Variants in CACNA2D3 observed in about 807,000 individuals in gnomAD.
CACNA2D3 encodes the protein voltage-dependent calcium channel subunit alpha-2/delta-3.
Under a neutral mutation model 160.6 loss-of-function variants are expected in CACNA2D3, and 60 were observed. That is an observed-to-expected ratio of 0.37 (90% CI 0.30 to 0.46). The LOEUF is 0.46. CACNA2D3 is among the 20% of genes least tolerant of loss of function. The probability of loss-of-function intolerance (pLI) is 1.00; values close to 1 mark genes in which losing one functional copy is unlikely to be tolerated. For missense variants in CACNA2D3, 1,205 were observed against 1,365.0 expected (o/e 0.88, Z 1.85); for synonymous variants, 558 against 492.9 (o/e 1.13, Z -1.75).
intron 10 of CACNA2D3, chr3:54,638,911 A>T (rs1431919251): frequency 2.0e-5 from 3 of 152,008 alleles, no homozygotes; most frequent in African/African-American, 7.3e-5. Context: ...GTTCTTAAGA[A>T]TACATGCTAA....
At position 54,787,713 on chromosome 3, in the gene CACNA2D3, G is replaced by C. The variant is rs373456650; in HGVS notation, c.1380+23362G>C. On this transcript the variant is annotated intron_variant, in intron 13 of 37. Transcript: ENST00000474759. ...GTGGCACATTGTGGGAAGGTAAATA[G>C]GGAAGACAAATGGATGATAAGGATT... Among the ~76,000 whole-genome samples, 24 of 152,280 alleles carry C rather than the reference G, an allele frequency of 1.6e-4. 1 individual carries two copies. Among genetic ancestry groups the C allele is most frequent in the African/African-American group, 5.8e-4 (24 of 41,574 alleles).
chr3:55,060,082 G>T (rs1704469404), intron 35 of CACNA2D3, among the ~76,000 whole-genome samples: 1 of 152,214 alleles, frequency 6.6e-6, no homozygotes, highest in East Asian at 1.9e-4. Context: ...AGGCTTGAAG[G>T]TGGGGCCTTT....
chr3:54,203,527 A>G (rs1357187295), intron 2 of CACNA2D3, among the ~76,000 whole-genome samples: 1 of 152,152 alleles, frequency 6.6e-6, no homozygotes, highest in Non-Finnish European at 1.5e-5. Context: ...GCCTTGGTAT[A>G]CTGGAAGAAT....
At chr3:54,654,383 G>A (rs1482454633) in intron 11 of CACNA2D3, among the ~76,000 whole-genome samples, 5 of 152,156 alleles carry the variant, frequency 3.3e-5, no homozygotes, top group African/African-American at 1.2e-4. Flanking sequence ...TATTCCCAGT[G>A]AATTGGACAG....
At chr3:54,171,872 T>C (rs1366782176) in intron 2 of CACNA2D3, among the ~76,000 whole-genome samples, 1 of 152,206 alleles carries the variant, frequency 6.6e-6, no homozygotes, top group Non-Finnish European at 1.5e-5. Context: ...CTATCTTCTG[T>C]CCTTCCTGTC....
At chr3:54,897,154 T>C (rs60840662) in intron 26 of CACNA2D3, among the ~76,000 whole-genome samples, 2,615 of 152,322 alleles carry the variant, frequency 0.017, 72 homozygotes, top group African/African-American at 0.06. Context: ...TGTCAGTCAG[T>C]TTTTTTAAAT....
At chr3:54,920,376 C>A (rs1040405691) in intron 27 of CACNA2D3, among the ~76,000 whole-genome samples, 7 of 152,040 alleles carry the variant, frequency 4.6e-5, no homozygotes, top group African/African-American at 1.7e-4. Context: ...AACCCATGTC[C>A]TTTTTGTTGC....
At chr3:54,439,933 G>A (rs1011330248) in intron 4 of CACNA2D3, among the ~76,000 whole-genome samples, 1 of 152,128 alleles carries the variant, frequency 6.6e-6, no homozygotes, top group Non-Finnish European at 1.5e-5. Flanking sequence ...ATAAGCTGAG[G>A]TTGTTTTGAT....
intron 13 of CACNA2D3, among the ~76,000 whole-genome samples, chr3:54,811,465 C>CTTTTTTTTTTTTT (rs71096451): frequency 2.7e-5 from 3 of 111,610 alleles, no homozygotes; most frequent in Non-Finnish European, 3.6e-5. Flanking sequence ...TCCCTCAGTT[C>CTTTTTTTTTTTTT]TTTTTTTTTT....
chr3:54,971,239 C>T (rs1193206486), intron 29 of CACNA2D3, among the ~76,000 whole-genome samples: 1 of 152,196 alleles, frequency 6.6e-6, no homozygotes, highest in Admixed American at 6.5e-5. Flanking sequence ...CCCTTTTCAG[C>T]AAGTTCAGGG....
chr3:54,748,440 A>G (rs1701796987), intron 11 of CACNA2D3, among the ~76,000 whole-genome samples: 1 of 152,192 alleles, frequency 6.6e-6, no homozygotes, highest in Non-Finnish European at 1.5e-5. Context: ...TAAGTAGATT[A>G]AGGTAAGTGA....
At chr3:55,041,010 C>T (rs898003159) in intron 35 of CACNA2D3, among the ~76,000 whole-genome samples, 2 of 151,936 alleles carry the variant, frequency 1.3e-5, no homozygotes, top group Admixed American at 1.3e-4. Flanking sequence ...ATTTCTTTTA[C>T]AAAATGAAGC....
chr3:54,290,965 A>G (rs988890677), intron 2 of CACNA2D3, among the ~76,000 whole-genome samples: 1 of 152,174 alleles, frequency 6.6e-6, no homozygotes, highest in African/African-American at 2.4e-5. Context: ...CTAAATGACG[A>G]GTTAATGGGT....
intron 11 of CACNA2D3, among the ~76,000 whole-genome samples, chr3:54,703,695 C>T (rs55675480): frequency 0.17 from 25,215 of 152,042 alleles, 2,372 homozygotes; most frequent in Non-Finnish European, 0.21. Flanking sequence ...GAAAAGCTAT[C>T]AAGTTTAAAC....
At chr3:54,956,000 A>T (rs990522090) in intron 27 of CACNA2D3, among the ~76,000 whole-genome samples, 4 of 152,188 alleles carry the variant, frequency 2.6e-5, no homozygotes, top group African/African-American at 9.7e-5. Flanking sequence ...GATTCCAGGA[A>T]ATGAGAGGGA....
chr3:54,889,241 G>A (rs1429010508), intron 24 of CACNA2D3, among the ~76,000 whole-genome samples: 1 of 152,148 alleles, frequency 6.6e-6, no homozygotes, highest in Non-Finnish European at 1.5e-5. Flanking sequence ...TCAGAGCAGT[G>A]GAAGATCACT....
chr3:54,785,997 A>G (rs1172157237), intron 13 of CACNA2D3, among the ~76,000 whole-genome samples: 1 of 152,078 alleles, frequency 6.6e-6, no homozygotes, highest in Non-Finnish European at 1.5e-5. Flanking sequence ...CTGGGAGGTG[A>G]GCACCCAGCC....
At chr3:54,429,317 G>C (rs1699954188) in intron 4 of CACNA2D3, among the ~76,000 whole-genome samples, 1 of 152,116 alleles carries the variant, frequency 6.6e-6, no homozygotes, top group African/African-American at 2.4e-5. Context: ...GAGACCCATG[G>C]AAAGTTCTCT....
chr3:54,728,546 A>G (rs1306683421), intron 11 of CACNA2D3, among the ~76,000 whole-genome samples: 1 of 151,174 alleles, frequency 6.6e-6, no homozygotes, highest in South Asian at 2.1e-4. Flanking sequence ...TCCTTTTTTT[A>G]TCTCTTGACT....
Sources: allele counts gnomAD v4.1 joint callset (sites outside exome capture counted in the v4.1 genomes callset), GRCh38; gene constraint gnomAD v4.1.1; transcripts MANE v1.5; gene names NCBI Gene and HGNC (gene_info 2026-07-23, HGNC 2026-07-21).